The following SLC4A4 variants were observed in gnomAD, a reference collection of about 807,000 sequenced individuals.
SLC4A4 encodes electrogenic sodium bicarbonate cotransporter 1.
Under a neutral mutation model 111.5 loss-of-function variants are expected in SLC4A4, and 27 were observed. The observed-to-expected ratio is 0.24, with a 90% CI of 0.18 to 0.33. SLC4A4 has a LOEUF of 0.33. Among genes scored for constraint, SLC4A4 ranks in the 10% least tolerant of loss-of-function variants. SLC4A4 has a pLI of 1.00. For missense variants in SLC4A4, 909 were observed against 1,315.5 expected (o/e 0.69, Z 4.78); for synonymous variants, 443 against 463.4 (o/e 0.96, Z 0.57).
At chr4:71,538,042 A>T (rs1431760036) in intron 18 of SLC4A4, among the ~76,000 whole-genome samples, 1 of 152,018 alleles carries the variant, frequency 6.6e-6, no homozygotes, top group Non-Finnish European at 1.5e-5. Flanking sequence ...GATGTTCTGT[A>T]TTGAGAGGGT....
chr4:71,228,618 T>C (rs1315782703), intron 1 of SLC4A4, among the ~76,000 whole-genome samples: 1 of 152,218 alleles, frequency 6.6e-6, no homozygotes, highest in Non-Finnish European at 1.5e-5. Flanking sequence ...TTTTGCCTGA[T>C]TCTGCATGTG....
chr4:71,064,449 C>G (rs78627667), intron 1 of SLC4A4, among the ~76,000 whole-genome samples: 1,652 of 152,208 alleles, frequency 0.011, 28 homozygotes, highest in African/African-American at 0.037. Context: ...TATAATAGTA[C>G]TAATCAATAA....
At chr4:71,146,341 A>T (rs559490727) in intron 2 of SLC4A4, among the ~76,000 whole-genome samples, 3 of 152,184 alleles carry the variant, frequency 2.0e-5, no homozygotes, top group Admixed American at 1.3e-4. Flanking sequence ...GTTCTTTTAC[A>T]TTTGCTGAGG....
chr4:71,242,874 T>C (rs1044365468), intron 2 of SLC4A4, among the ~76,000 whole-genome samples: 4 of 152,162 alleles, frequency 2.6e-5, no homozygotes, highest in African/African-American at 9.6e-5. Flanking sequence ...TTCCTAACCA[T>C]ACTTACCTAC....
intron 2 of SLC4A4, among the ~76,000 whole-genome samples, chr4:71,248,251 T>C (rs1720819166): frequency 6.6e-6 from 1 of 152,088 alleles, no homozygotes. Context: ...CTCTGTTTTT[T>C]TCTCCTTTGA....
intron 3 of SLC4A4, among the ~76,000 whole-genome samples, chr4:71,323,558 G>A (rs1238622379): frequency 6.6e-6 from 1 of 152,036 alleles, no homozygotes; most frequent in African/African-American, 2.4e-5. Flanking sequence ...ATTTTAACAA[G>A]GCAGATATGC....
rs547060849 is a variant in SLC4A4 at position 71,436,226 on chromosome 4, C to T, written c.808-4390C>T. On this transcript the variant is annotated intron_variant, in intron 7 of 25. Coordinates refer to ENST00000264485, the MANE Select transcript of SLC4A4 (RefSeq NM_001098484.3). ...ATATACACCATGGAATACTATGCAG[C>T]CATAAAAAAGGATGAGTTCATGTCC... 3.9e-5 allele frequency among the ~76,000 whole-genome samples: 6 copies of T among 152,092 alleles called. 1 individual carries two copies. In the South Asian group the frequency reaches 1.2e-3, roughly 32 times the overall value.
At chr4:71,109,463 G>T (rs958634810) in intron 2 of SLC4A4, among the ~76,000 whole-genome samples, 5 of 152,152 alleles carry the variant, frequency 3.3e-5, no homozygotes, top group African/African-American at 9.7e-5. Flanking sequence ...TTGCATCTCT[G>T]TGATCAGAGG....
intron 2 of SLC4A4, among the ~76,000 whole-genome samples, chr4:71,131,767 C>A (rs1743713185): frequency 6.6e-6 from 1 of 152,032 alleles, no homozygotes; most frequent in Admixed American, 6.6e-5. Context: ...ATTTGAATAG[C>A]AGGGAGCAGA....
intron 7 of SLC4A4, among the ~76,000 whole-genome samples, chr4:71,405,175 C>T (rs1312324413): frequency 6.6e-6 from 1 of 151,934 alleles, no homozygotes; most frequent in Non-Finnish European, 1.5e-5. Context: ...TTTTTTAAAA[C>T]TTTAGAATTT....
At chr4:71,091,781 G>A (rs1177630385) in intron 1 of SLC4A4, among the ~76,000 whole-genome samples, 1 of 152,054 alleles carries the variant, frequency 6.6e-6, no homozygotes, top group East Asian at 1.9e-4. Context: ...GACTAGTTTT[G>A]TACTCATTTT....
chr4:71,215,961 G>A (rs1435641437), intron 1 of SLC4A4, among the ~76,000 whole-genome samples: 3 of 146,780 alleles, frequency 2.0e-5, no homozygotes, highest in African/African-American at 5.1e-5. Flanking sequence ...CTGGAGTGCA[G>A]TGGCGTGATC....
At position 71,547,674 on chromosome 4, in the gene SLC4A4, T is replaced by C; in HGVS notation, c.2648T>C (p.Val883Ala). Residue 883 changes from valine to alanine, a missense_variant, in exon 20 of 26, where the codon GTG becomes GCG. By Grantham distance (64) the Val-to-Ala change is moderately conservative. Around this residue, in one of 7 missense-constraint regions of SLC4A4, gnomAD observed 104 missense variants for 219.5 expected, o/e 0.47. Transcript: ENST00000264485. ...GAACAAAGAGTCACTGGAACCCTTGTGTTTATTCTGACTGGTCTGTCAGTC... is the reference window on the plus strand; with the variant it reads ...GAACAAAGAGTCACTGGAACCCTTGCGTTTATTCTGACTGGTCTGTCAGTC... ...VREQRVTGTL[V>A]FILTGLSVFM... The C allele has an allele frequency of 6.2e-7, 1 of 1,612,082 alleles. No individual in the cohort carries two copies. Among genetic ancestry groups the C allele is most frequent in the Non-Finnish European group, 8.5e-7 (1 of 1,178,624 alleles).
At chr4:71,203,105 A>T (rs1333053340) in intron 1 of SLC4A4, among the ~76,000 whole-genome samples, 1 of 152,092 alleles carries the variant, frequency 6.6e-6, no homozygotes, top group South Asian at 2.1e-4. Flanking sequence ...GAGGTAGACT[A>T]CTAGATGTGT....
intron 6 of SLC4A4, among the ~76,000 whole-genome samples, chr4:71,365,297 G>C (rs1010802374): frequency 6.6e-6 from 1 of 152,146 alleles, no homozygotes; most frequent in Non-Finnish European, 1.5e-5. Flanking sequence ...GTTTGCTGCT[G>C]TCAACCCTGA....
chr4:71,445,177 G>A (rs1352573320), intron 8 of SLC4A4, among the ~76,000 whole-genome samples: 2 of 152,148 alleles, frequency 1.3e-5, no homozygotes, highest in African/African-American at 4.8e-5. Flanking sequence ...CTATTTAGCA[G>A]AGAACAAAGA....
intron 2 of SLC4A4, among the ~76,000 whole-genome samples, chr4:71,157,033 A>C (rs535343289): frequency 2.8e-4 from 42 of 152,314 alleles, no homozygotes; most frequent in African/African-American, 9.6e-4. Context: ...TTGTCTAAAT[A>C]GCTTAATTAT....
chr4:71,440,252 C>T (rs1276610214), intron 7 of SLC4A4, among the ~76,000 whole-genome samples: 2 of 152,018 alleles, frequency 1.3e-5, no homozygotes, highest in African/African-American at 4.8e-5. Context: ...AATCTATCCA[C>T]CCCTGTTTCC....
intron 1 of SLC4A4, among the ~76,000 whole-genome samples, chr4:71,214,387 A>G (rs951284116): frequency 6.6e-6 from 1 of 152,198 alleles, no homozygotes; most frequent in African/African-American, 2.4e-5. Flanking sequence ...TTCCTGATCA[A>G]GAAAGTTGGT....
Sources: allele counts gnomAD v4.1 joint callset (sites outside exome capture counted in the v4.1 genomes callset), GRCh38; gene constraint gnomAD v4.1.1; regional missense constraint gnomAD v4.1.1; transcripts MANE v1.5; gene names NCBI Gene and HGNC (gene_info 2026-07-23, HGNC 2026-07-21).